CTNND2: variants seen among roughly 807,000 people sequenced by gnomAD.
CTNND2 encodes catenin delta-2.
Under a neutral mutation model 144.4 loss-of-function variants are expected in CTNND2, and 22 were observed. That is an observed-to-expected ratio of 0.15 (90% CI 0.11 to 0.22). The LOEUF is 0.22. CTNND2 is among the 10% of genes least tolerant of loss of function. The pLI is 1.00. For synonymous variants in CTNND2, 751 were observed against 695.6 expected (o/e 1.08, Z -1.25); for missense variants, 1,353 against 1,618.8 (o/e 0.84, Z 2.82).
chr5:11,548,455 A>G (rs570070443), intron 3 of CTNND2, among the ~76,000 whole-genome samples: 4 of 152,378 alleles, frequency 2.6e-5, no homozygotes, highest in East Asian at 1.9e-4. Flanking sequence ...ATCTTAAAAT[A>G]TAAGATTTGT....
At chr5:11,013,338 T>C (rs190708740) in intron 18 of CTNND2, among the ~76,000 whole-genome samples, 241 of 152,364 alleles carry the variant, frequency 1.6e-3, no homozygotes, top group Non-Finnish European at 2.8e-3. Context: ...TTAATTGGCA[T>C]GCAATTATCT....
chr5:10,981,797 G>T lies in CTNND2; in HGVS notation c.3393C>A (p.Pro1131=), dbSNP rs571416843. Residue 1131 remains proline (P), a synonymous_variant, in exon 21 of 22, where the codon CCC becomes CCA. Coordinates refer to ENST00000304623, the MANE Select transcript of CTNND2 (RefSeq NM_001332.4). ...STLYRNSYGA[P]AEDIKHNQVS... ...CCTGGTTGTGTTTGATGTCTTCAGC[G>T]GGCGCACCATAAGAATTCCTATACA... 1 of 1,613,872 alleles carries T rather than the reference G, an allele frequency of 6.2e-7. No homozygotes were observed. The highest frequency in any genetic ancestry group is 1.3e-5 in the African/African-American group (1 of 74,994).
At chr5:11,318,989 A>AAT (rs1751774797) in intron 9 of CTNND2, among the ~76,000 whole-genome samples, 1 of 152,076 alleles carries the variant, frequency 6.6e-6, no homozygotes, top group African/African-American at 2.4e-5. Flanking sequence ...TGTTTTAAGC[A>AAT]TGCTGTATAT....
chr5:11,015,024 C>A (rs1741464352), intron 18 of CTNND2, among the ~76,000 whole-genome samples: 1 of 152,192 alleles, frequency 6.6e-6, no homozygotes, highest in Non-Finnish European at 1.5e-5. Flanking sequence ...CATATTTCAT[C>A]TTTACCCCTA....
chr5:11,796,646 C>A (rs1791418333), intron 1 of CTNND2, among the ~76,000 whole-genome samples: 1 of 152,114 alleles, frequency 6.6e-6, no homozygotes, highest in Admixed American at 6.6e-5. Flanking sequence ...AGGTAATGAG[C>A]CCAATCTGTT....
chr5:11,801,203 T>G (rs1791663250), intron 1 of CTNND2, among the ~76,000 whole-genome samples: 1 of 152,244 alleles, frequency 6.6e-6, no homozygotes, highest in African/African-American at 2.4e-5. Context: ...TGGGTACCAG[T>G]TAAGCATGGA....
At chr5:11,893,224 G>A (rs1227836289) in intron 1 of CTNND2, among the ~76,000 whole-genome samples, 3 of 152,190 alleles carry the variant, frequency 2.0e-5, no homozygotes, top group Admixed American at 6.5e-5. Flanking sequence ...TCGGCACATG[G>A]AGAAAGGGAA....
At chr5:10,984,931 G>C (rs1013099535) in intron 20 of CTNND2, among the ~76,000 whole-genome samples, 1 of 151,900 alleles carries the variant, frequency 6.6e-6, no homozygotes, top group Admixed American at 6.6e-5. Context: ...AAAATTAGCC[G>C]GGCATGGTGG....
intron 2 of CTNND2, among the ~76,000 whole-genome samples, chr5:11,567,769 A>C (rs1461960090): frequency 3.3e-5 from 5 of 152,004 alleles, no homozygotes; most frequent in Non-Finnish European, 7.4e-5. Context: ...CTTTTTGTTA[A>C]TTCTAACATC....
chr5:11,254,537 G>T (rs191041234), intron 9 of CTNND2, among the ~76,000 whole-genome samples: 3 of 152,140 alleles, frequency 2.0e-5, no homozygotes, highest in Non-Finnish European at 4.4e-5. Context: ...TATCAGAGGT[G>T]CAGGCTGTGG....
intron 1 of CTNND2, among the ~76,000 whole-genome samples, chr5:11,894,060 A>C (rs535118062): frequency 6.6e-6 from 1 of 152,172 alleles, no homozygotes; most frequent in Non-Finnish European, 1.5e-5. Context: ...CTATTGGCAG[A>C]CTACAGTTAG....
intron 3 of CTNND2, among the ~76,000 whole-genome samples, chr5:11,534,861 T>C (rs1436635772): frequency 2.0e-5 from 3 of 152,190 alleles, no homozygotes; most frequent in African/African-American, 4.8e-5. Context: ...ACTTTTGTTC[T>C]GAAGTGAACT....
intron 3 of CTNND2, among the ~76,000 whole-genome samples, chr5:11,475,539 C>G (rs1767643535): frequency 6.6e-6 from 1 of 152,126 alleles, no homozygotes; most frequent in Non-Finnish European, 1.5e-5. Context: ...GAACTCTAAT[C>G]AAGACAAAAG....
At chr5:11,849,087 A>T (rs562974455) in intron 1 of CTNND2, among the ~76,000 whole-genome samples, 1 of 152,310 alleles carries the variant, frequency 6.6e-6, no homozygotes, top group South Asian at 2.1e-4. Flanking sequence ...TTATAAAGAA[A>T]AAAAGGTTTA....
intron 1 of CTNND2, among the ~76,000 whole-genome samples, chr5:11,888,504 G>T (rs1396110147): frequency 6.6e-6 from 1 of 152,106 alleles, no homozygotes. Context: ...GAAAACACAA[G>T]AGAATTCCAA....
At chr5:11,225,959 C>T (rs1329416706) in intron 10 of CTNND2, among the ~76,000 whole-genome samples, 4 of 152,134 alleles carry the variant, frequency 2.6e-5, no homozygotes, top group Non-Finnish European at 2.9e-5. Flanking sequence ...GAGGAGATGG[C>T]CATGTGAAGA....
chr5:11,626,353 A>T (rs1781152173), intron 2 of CTNND2, among the ~76,000 whole-genome samples: 1 of 152,224 alleles, frequency 6.6e-6, no homozygotes, highest in South Asian at 2.1e-4. Flanking sequence ...TTGTCTTAAA[A>T]ATGAACACTA....
At chr5:11,490,063 C>T (rs1769245896) in intron 3 of CTNND2, among the ~76,000 whole-genome samples, 1 of 152,154 alleles carries the variant, frequency 6.6e-6, no homozygotes, top group African/African-American at 2.4e-5. Flanking sequence ...AGGCAAACCT[C>T]ATGATAAAAC....
At chr5:11,530,094 T>C (rs919068080) in intron 3 of CTNND2, among the ~76,000 whole-genome samples, 2 of 149,662 alleles carry the variant, frequency 1.3e-5, no homozygotes, top group East Asian at 3.9e-4. Context: ...TTGACTGCAA[T>C]AGTTCCTTTG....
Sources: allele counts gnomAD v4.1 joint callset (sites outside exome capture counted in the v4.1 genomes callset), GRCh38; gene constraint gnomAD v4.1.1; transcripts MANE v1.5; gene names NCBI Gene and HGNC (gene_info 2026-07-23, HGNC 2026-07-21).